The following RUNDC3B variants were observed in gnomAD, a reference collection of about 807,000 sequenced individuals.
RUNDC3B encodes RUN domain containing 3B, also known as RUN domain-containing protein 3B.
In RUNDC3B, 33 loss-of-function variants were observed where a neutral mutation model predicts 58.4. The observed-to-expected ratio is 0.56, with a 90% confidence interval of 0.43 to 0.75. RUNDC3B has a LOEUF of 0.75. Ranked by LOEUF, RUNDC3B falls within the 30% of genes least tolerant of loss-of-function variation. RUNDC3B has a pLI of 0.00. For synonymous variants in RUNDC3B, 193 were observed against 195.2 expected (o/e 0.99, Z 0.10); for missense variants, 501 against 535.7 (o/e 0.94, Z 0.64).
chr7:87,752,695 T>C (rs1007246255), intron 6 of RUNDC3B, among the ~76,000 whole-genome samples: 2 of 152,230 alleles, frequency 1.3e-5, no homozygotes, highest in Non-Finnish European at 2.9e-5. Context: ...GATGGTAGTT[T>C]GTATTTCTGT....
At chr7:87,741,677 C>A in intron 6 of RUNDC3B, 98 bp downstream of exon 6, 2 of 647,760 alleles carry the variant, frequency 3.1e-6, no homozygotes, top group South Asian at 2.1e-5. Context: ...ACTAAATATT[C>A]GTTCCAATAT....
In RUNDC3B at chr7:87,643,661, C is replaced by T. The variant is rs542453597; in HGVS notation, c.123-7161C>T. Among the ~76,000 whole-genome samples, 9 of 151,348 alleles carry T rather than the reference C, an allele frequency of 5.9e-5. No homozygotes were observed. In the East Asian group the frequency reaches 1.6e-3, roughly 26 times the overall value. ...TCAGCCTCCTGAGTAGCTGGGACTG[C>T]AGGTGCATGCCGCCATGCTCAGCTG... On this transcript the variant is annotated intron_variant, in intron 1 of 10. Transcript: ENST00000394654.
chr7:87,742,609 TAG>T (rs1584070134), intron 6 of RUNDC3B, among the ~76,000 whole-genome samples: 1 of 151,902 alleles, frequency 6.6e-6, no homozygotes, highest in South Asian at 2.1e-4. Context: ...GATAGATAGA[TAG>T]ATAGATAGAT....
At chr7:87,751,488 G>A (rs1465983526) in intron 6 of RUNDC3B, among the ~76,000 whole-genome samples, 2 of 152,064 alleles carry the variant, frequency 1.3e-5, no homozygotes, top group Non-Finnish European at 2.9e-5. Context: ...CCATTTTCAC[G>A]ATGTTGATTC....
chr7:87,789,958 C>T (rs1835434333), intron 8 of RUNDC3B, among the ~76,000 whole-genome samples: 1 of 152,188 alleles, frequency 6.6e-6, no homozygotes, highest in African/African-American at 2.4e-5. Context: ...CAACTCACTG[C>T]CCTGAAGGGA....
chr7:87,668,735 C>T (rs1825522932), intron 2 of RUNDC3B, among the ~76,000 whole-genome samples: 1 of 151,930 alleles, frequency 6.6e-6, no homozygotes, highest in South Asian at 2.1e-4. Flanking sequence ...CATTATTTAC[C>T]CCAAAGCCAC....
At chr7:87,650,017 G>A (rs1471257645) in intron 1 of RUNDC3B, among the ~76,000 whole-genome samples, 1 of 152,072 alleles carries the variant, frequency 6.6e-6, no homozygotes, top group Non-Finnish European at 1.5e-5. Context: ...CTCAGTCACG[G>A]GTAAGTCTTT....
At chr7:87,827,429 G>C (rs1434519520) in intron 10 of RUNDC3B, among the ~76,000 whole-genome samples, 1 of 152,198 alleles carries the variant, frequency 6.6e-6, no homozygotes, top group Non-Finnish European at 1.5e-5. Context: ...CGAGATTGCA[G>C]TGAGCTGAGA....
At chr7:87,786,523 A>G (rs1329361046) in intron 8 of RUNDC3B, among the ~76,000 whole-genome samples, 1 of 152,028 alleles carries the variant, frequency 6.6e-6, no homozygotes, top group Non-Finnish European at 1.5e-5. Context: ...GCAGGGAGAA[A>G]AATATCAAGA....
At chr7:87,662,614 A>G (rs763334951) in intron 2 of RUNDC3B, among the ~76,000 whole-genome samples, 1 of 151,908 alleles carries the variant, frequency 6.6e-6, no homozygotes, top group Non-Finnish European at 1.5e-5. Flanking sequence ...TGGTCTATGT[A>G]TCTCTTTTTA....
At chr7:87,814,638 TAGTA>T (rs2130947835) in intron 9 of RUNDC3B, among the ~76,000 whole-genome samples, 1 of 152,298 alleles carries the variant, frequency 6.6e-6, no homozygotes, top group African/African-American at 2.4e-5. Flanking sequence ...GCCCAACATA[TAGTA>T]AGTGCTATAT....
chr7:87,826,451 T>G lies in RUNDC3B; in HGVS notation c.1226-3434T>G, dbSNP rs368683814. Among the ~76,000 whole-genome samples the G allele has an allele frequency of 5.3e-5, 8 of 151,494 alleles. No homozygotes were observed. In the East Asian group the frequency reaches 1.4e-3, roughly 26 times the overall value. ...ATTTCCAAGTATCAAGTATGCCTTA[T>G]CAGCAGCGTGAAAATGGACTAATAC... On this transcript the variant is annotated intron_variant, in intron 10 of 10. Transcript: ENST00000394654.
chr7:87,778,057 G>A, intron 8 of RUNDC3B, 102 bp downstream of exon 8: 2 of 947,714 alleles, frequency 2.1e-6, no homozygotes, highest in Non-Finnish European at 3.1e-6. Context: ...CTTATTGCCT[G>A]TTAAATTCTT....
At chr7:87,737,178 A>G (rs2130805563) in intron 4 of RUNDC3B, among the ~76,000 whole-genome samples, 1 of 152,010 alleles carries the variant, frequency 6.6e-6, no homozygotes, top group South Asian at 2.1e-4. Flanking sequence ...GATTACAGGC[A>G]TGAGCCACCA....
At chr7:87,695,674 A>C (rs1402228071) in intron 2 of RUNDC3B, among the ~76,000 whole-genome samples, 1 of 152,130 alleles carries the variant, frequency 6.6e-6, no homozygotes, top group Non-Finnish European at 1.5e-5. Flanking sequence ...CTATTACTAA[A>C]GATGGGGAAT....
intron 2 of RUNDC3B, among the ~76,000 whole-genome samples, chr7:87,652,430 C>T (rs754286908): frequency 1.3e-5 from 2 of 151,948 alleles, no homozygotes; most frequent in Non-Finnish European, 2.9e-5. Context: ...TATTTCTAAA[C>T]AATCAAATCC....
chr7:87,642,025 C>T (rs187353772), intron 1 of RUNDC3B, among the ~76,000 whole-genome samples: 26 of 151,960 alleles, frequency 1.7e-4, no homozygotes, highest in South Asian at 6.2e-4. Context: ...TTAATTTATA[C>T]GTGGACGATA....
At chr7:87,729,203 G>A (rs1831430500) in intron 4 of RUNDC3B, among the ~76,000 whole-genome samples, 2 of 152,020 alleles carry the variant, frequency 1.3e-5, no homozygotes, top group African/African-American at 4.8e-5. Flanking sequence ...TCCAACAATT[G>A]TCCTCCCTAT....
Position 87,739,032 on chromosome 7 carries a change from A to G in RUNDC3B, c.459-759A>G, listed in dbSNP as rs556191722. 5.3e-5 allele frequency among the ~76,000 whole-genome samples: 8 copies of G among 152,056 alleles called. No homozygotes were observed. The East Asian group carries it at 1.5e-3, about 29-fold the overall frequency. ...GTTACTGATATAAACTAGATTTTAC[A>G]TAGTACTACGTTTTAAAAGAAGTAG... On this transcript the variant is annotated intron_variant, in intron 4 of 10. Transcript: ENST00000394654.
Sources: gnomAD v4.1 joint callset for allele counts (sites outside exome capture counted in the v4.1 genomes callset) on GRCh38, gnomAD v4.1.1 for gene constraint, MANE v1.5 for transcripts, NCBI Gene and HGNC (gene_info 2026-07-23, HGNC 2026-07-21) for gene names.